CASS4: variants seen among roughly 807,000 people sequenced by gnomAD.
The protein encoded by CASS4 is cas scaffolding protein family member 4.
CASS4 carries 22 observed loss-of-function variants against 54.2 expected under a neutral mutation model. The observed-to-expected ratio is 0.41, with a 90% CI of 0.29 to 0.58. CASS4 has a LOEUF of 0.58. CASS4 is among the 20% of genes least tolerant of loss of function. CASS4 has a pLI of 0.36. For missense variants in CASS4, 854 were observed against 986.7 expected, an observed-to-expected ratio of 0.87 and a Z score of 1.80; for synonymous variants, 409 against 391.5, an observed-to-expected ratio of 1.04 and a Z score of -0.53.
intron 2 of CASS4, among the ~76,000 whole-genome samples, chr20:56,439,276 C>G (rs184483113): frequency 1.3e-5 from 2 of 152,094 alleles, no homozygotes; most frequent in African/African-American, 4.8e-5. Flanking sequence ...TCCAGCAATC[C>G]TCCTGCTTCA....
chr20:56,436,726 AAAATACAAAATTTAGCCC>A (rs1032334411), intron 1 of CASS4, among the ~76,000 whole-genome samples: 2 of 152,030 alleles, frequency 1.3e-5, no homozygotes, highest in Non-Finnish European at 2.9e-5. Flanking sequence ...CTTCTCTACA[AAAATACAAAATTTAGCCC>A]GGGGTGGCGG....
intron 1 of CASS4, among the ~76,000 whole-genome samples, chr20:56,416,452 T>C (rs1259627251): frequency 6.6e-6 from 1 of 152,232 alleles, no homozygotes; most frequent in Non-Finnish European, 1.5e-5. Context: ...AGTTTCAAGA[T>C]GCCTTAGTTA....
At position 56,452,360 on chromosome 20, in the gene CASS4, C is replaced by T. The variant is rs754801286; in HGVS notation, c.1184C>T (p.Pro395Leu). The change falls in exon 5 of 6, where the codon CCG (proline) becomes CTG (leucine). Residue 395 changes from proline (P) to leucine (L), a missense_variant. Coordinates refer to ENST00000679887, the MANE Select transcript of CASS4 (RefSeq NM_020356.4). Reference protein sequence around the residue: ...SRRTTSPSPEPDRLSGSSSDS... With the variant: ...SRRTTSPSPELDRLSGSSSDS... ...CGGACAACTTCCCCATCTCCTGAAC[C>T]GGACAGATTATCAGGTTCCAGTTCT... 14 of 1,613,970 alleles carry T rather than the reference C, an allele frequency of 8.7e-6. No individual in the cohort carries two copies. The highest frequency in any genetic ancestry group is 4.5e-5 in the East Asian group (2 of 44,886).
intron 2 of CASS4, among the ~76,000 whole-genome samples, chr20:56,438,678 G>A (rs1980312996): frequency 6.6e-6 from 1 of 152,096 alleles, no homozygotes; most frequent in African/African-American, 2.4e-5. Flanking sequence ...CCAACATAGT[G>A]AAACTCCGTC....
intron 1 of CASS4, among the ~76,000 whole-genome samples, chr20:56,422,158 A>G (rs1569136356): frequency 6.6e-6 from 1 of 152,198 alleles, no homozygotes; most frequent in South Asian, 2.1e-4. Flanking sequence ...ATCTTAAGCA[A>G]TAACTCAGGG....
At chr20:56,447,604 T>A (rs888483031) in intron 3 of CASS4, among the ~76,000 whole-genome samples, 1 of 152,206 alleles carries the variant, frequency 6.6e-6, no homozygotes, top group Non-Finnish European at 1.5e-5. Flanking sequence ...CTCACCTCCT[T>A]GCTGAGCATC....
At chr20:56,425,240 A>G (rs1979584998) in intron 1 of CASS4, among the ~76,000 whole-genome samples, 1 of 152,200 alleles carries the variant, frequency 6.6e-6, no homozygotes, top group South Asian at 2.1e-4. Flanking sequence ...TGCCTCCTCA[A>G]CTTGCCTGGA....
chr20:56,448,013 G>C (rs1361497653), intron 3 of CASS4, among the ~76,000 whole-genome samples: 1 of 152,060 alleles, frequency 6.6e-6, no homozygotes, highest in East Asian at 1.9e-4. Context: ...ATGGTGGCAG[G>C]TGCCTGTAGT....
intron 1 of CASS4, among the ~76,000 whole-genome samples, chr20:56,432,585 C>T (rs899694082): frequency 1.3e-5 from 2 of 152,152 alleles, no homozygotes; most frequent in African/African-American, 2.4e-5. Flanking sequence ...CCAGGCTGGT[C>T]TGGAACTCCT....
At chr20:56,438,711 G>T (rs1365930111) in intron 2 of CASS4, among the ~76,000 whole-genome samples, 1 of 152,104 alleles carries the variant, frequency 6.6e-6, no homozygotes, top group African/African-American at 2.4e-5. Context: ...CAAAAAATTA[G>T]CTGGGCATGG....
Position 56,414,892 on chromosome 20 carries a change from C to A in CASS4, c.36+2398C>A, listed in dbSNP as rs567269447. Among the ~76,000 whole-genome samples the A allele has an allele frequency of 1.3e-5, 2 of 152,098 alleles. No individual in the cohort carries two copies. Among genetic ancestry groups the A allele is most frequent in the Admixed American group, 6.6e-5 (1 of 15,258 alleles). On this transcript the variant is annotated intron_variant, in intron 1 of 5. Coordinates refer to ENST00000679887, the MANE Select transcript of CASS4 (RefSeq NM_020356.4). The surrounding 1 kb of genome is among the most constrained non-coding windows in gnomAD (Gnocchi z 4.1). ...ATATATATATATAAATAGTAGCCAA[C>A]CCTTACCGATTGTCTACATGTGAGG...
In CASS4 at chr20:56,430,894, T is replaced by C. The variant is rs1979872191; in HGVS notation, c.37-6270T>C. On this transcript the variant is annotated intron_variant, in intron 1 of 5. Transcript: ENST00000679887. The surrounding 1 kb of genome is among the most constrained non-coding windows in gnomAD (Gnocchi z 4.2). The stretch of plus-strand genomic sequence containing the variant: ...AGAAAACAATGTGACTGGAGGGAAA[T>C]GAATGAGGGTAGAGCTGCAAACTGG... 6.6e-6 allele frequency among the ~76,000 whole-genome samples: 1 copy of C among 152,026 alleles called. No individual in the cohort carries two copies. Among genetic ancestry groups the C allele is most frequent in the Non-Finnish European group, 1.5e-5 (1 of 67,998 alleles).
rs1281254262 is a variant in CASS4 at position 56,459,276 on chromosome 20, A to C, written c.*529A>C. The stretch of plus-strand genomic sequence containing the variant: ...TATTTATTACTGAACCCAGCCAACC[A>C]ATGCATTCATAACAGATTCAGAAAG... On this transcript the variant is annotated 3_prime_UTR_variant, in exon 6 of 6. Transcript: ENST00000679887. 6.4e-6 allele frequency: 1 copy of C among 156,846 alleles called. No individual in the cohort carries two copies. Among genetic ancestry groups the C allele is most frequent in the Non-Finnish European group, 1.4e-5 (1 of 70,984 alleles). 9.7% of individuals were successfully genotyped at this position (156,846 alleles called of 1,614,324 possible).
Position 56,458,928 on chromosome 20 carries a change from G to C in CASS4, c.*181G>C. The C allele has an allele frequency of 1.7e-6, 1 of 601,470 alleles. No individual in the cohort carries two copies. The highest frequency in any genetic ancestry group is 2.9e-6 in the Non-Finnish European group (1 of 344,014). The allele number at this position is 601,470 out of a possible 1,614,324, so 37.3% of individuals were successfully genotyped here. ...CCCAGGGCATTGACTTACCCCGCAG[G>C]GGGTCAGGAAAGAGAGTCAGGTATG... On this transcript the variant is annotated 3_prime_UTR_variant, in exon 6 of 6. Coordinates refer to ENST00000679887, the MANE Select transcript of CASS4 (RefSeq NM_020356.4).
rs752558298 is a variant in CASS4 at position 56,458,613 on chromosome 20, C to T, written c.2227C>T (p.Leu743=). 6.2e-7 allele frequency: 1 copy of T among 1,614,050 alleles called. No individual in the cohort carries two copies. The highest frequency in any genetic ancestry group is 2.2e-5 in the East Asian group (1 of 44,882). The part of the protein sequence containing the change: ...ILRGSSHLCS[L]LKDVALATKN... ...CCGTGGCAGCAGTCACCTCTGCAGC[C>T]TGCTCAAGGACGTAGCGCTGGCCAC... Residue 743 remains leucine (L), a synonymous_variant, in exon 6 of 6, where the codon CTG becomes TTG. Transcript: ENST00000679887.
rs1568682661 is a variant in CASS4, at chr20:56,452,964, G to C, written c.1788G>C (p.Glu596Asp). The C allele has an allele frequency of 1.2e-6, 2 of 1,614,102 alleles. No individual in the cohort carries two copies. The highest frequency in any genetic ancestry group is 1.7e-6 in the Non-Finnish European group (2 of 1,180,030). Residue 596 changes from glutamate (E) to aspartate (D), a missense_variant, in exon 5 of 6, where the codon GAG (glutamate) becomes GAC (aspartate). Glu to Asp is a conservative substitution (Grantham distance 45). Coordinates refer to ENST00000679887, the MANE Select transcript of CASS4 (RefSeq NM_020356.4). Reference sequence around the variant, plus strand: ...TTAAGCGGAACTGTGAAAAGGAAGAGACTGTGCAGTTGACCCCAAATGCAG... The same window carrying C: ...TTAAGCGGAACTGTGAAAAGGAAGACACTGTGCAGTTGACCCCAAATGCAG... ...LLFKRNCEKEETVQLTPNAEF... is the reference protein window; with the variant it reads ...LLFKRNCEKEDTVQLTPNAEF...
In CASS4 at chr20:56,412,938, G is replaced by A. The variant is rs1041684271; in HGVS notation, c.36+444G>A. Among the ~76,000 whole-genome samples, 1 of 152,144 alleles carries A rather than the reference G, an allele frequency of 6.6e-6. No homozygotes were observed. Among genetic ancestry groups the A allele is most frequent in the African/African-American group, 2.4e-5 (1 of 41,432 alleles). ...GCCTCCCGTGCTGAGCCCACAGTGG[G>A]CACTTACATGTTATTTTCATGTTAA... is the stretch of plus-strand genomic sequence containing the variant. On this transcript the variant is annotated intron_variant, in intron 1 of 5. Coordinates refer to ENST00000679887, the MANE Select transcript of CASS4 (RefSeq NM_020356.4). The surrounding 1 kb of genome is among the most constrained non-coding windows in gnomAD (Gnocchi z 4.2).
At chr20:56,424,740 CAA>C (rs759106984) in intron 1 of CASS4, among the ~76,000 whole-genome samples, 106 of 72,052 alleles carry the variant, frequency 1.5e-3, no homozygotes, top group African/African-American at 4.5e-3. Flanking sequence ...GACTCTGTCT[CAA>C]AAAAAAAAAA....
intron 2 of CASS4, among the ~76,000 whole-genome samples, chr20:56,444,154 T>G (rs937137145): frequency 5.9e-5 from 9 of 152,180 alleles, no homozygotes; most frequent in Non-Finnish European, 1.0e-4. Context: ...ATCCAAGCCG[T>G]ACACATCCAC....
Sources: gnomAD v4.1 joint callset for allele counts (sites outside exome capture counted in the v4.1 genomes callset) on GRCh38, gnomAD v4.1.1 for gene constraint, Gnocchi (gnomAD v3.1) non-coding constraint, MANE v1.5 for transcripts, NCBI Gene and HGNC (gene_info 2026-07-23, HGNC 2026-07-21) for gene names.